The following IFNLR1 variants were observed in gnomAD, a reference collection of about 807,000 sequenced individuals.
IFNLR1 encodes CRF2-12.
A neutral mutation model predicts 52.5 loss-of-function variants in IFNLR1; 28 were observed. That is an observed-to-expected ratio of 0.53 (90% confidence interval 0.40 to 0.73). The LOEUF (loss-of-function observed/expected upper bound fraction) is 0.73. IFNLR1 is among the 30% of genes least tolerant of loss of function. The probability of loss-of-function intolerance (pLI) is 0.00; values close to 1 mark genes in which losing one functional copy is unlikely to be tolerated. For missense variants in IFNLR1, 623 were observed against 659.1 expected (o/e 0.95, Z 0.60); for synonymous variants, 276 against 274.9 (o/e 1.00, Z -0.04).
chr1:24,158,820 G>C (rs1644408762), intron 6 of IFNLR1, among the ~76,000 whole-genome samples: 1 of 152,344 alleles, frequency 6.6e-6, no homozygotes, highest in African/African-American at 2.4e-5. Flanking sequence ...CAGAGGTGAA[G>C]TTATTTATCT....
At chr1:24,173,493 T>G (rs2148598056) in intron 2 of IFNLR1, among the ~76,000 whole-genome samples, 1 of 152,292 alleles carries the variant, frequency 6.6e-6, no homozygotes, top group Middle Eastern at 3.4e-3. Flanking sequence ...TTGGTGGCAA[T>G]GAACAATGGT....
intron 1 of IFNLR1, among the ~76,000 whole-genome samples, chr1:24,184,467 C>T (rs888977842): frequency 6.6e-6 from 1 of 152,268 alleles, no homozygotes; most frequent in African/African-American, 2.4e-5. Context: ...CCCTGCCTGA[C>T]GTGGCCTGGC....
At chr1:24,160,718 T>C (rs1644433530) in intron 4 of IFNLR1, among the ~76,000 whole-genome samples, 1 of 152,218 alleles carries the variant, frequency 6.6e-6, no homozygotes, top group African/African-American at 2.4e-5. Flanking sequence ...CACTTGTTTA[T>C]GTAAAAAGTT....
intron 3 of IFNLR1, among the ~76,000 whole-genome samples, chr1:24,163,578 TC>T (rs1569644403): frequency 1.6e-5 from 1 of 61,306 alleles, no homozygotes; most frequent in Admixed American, 1.6e-4. Context: ...CACATCTCTT[TC>T]TTTTTTCTTT....
intron 1 of IFNLR1, among the ~76,000 whole-genome samples, chr1:24,184,574 T>G (rs1644719950): frequency 6.6e-6 from 1 of 152,194 alleles, no homozygotes; most frequent in African/African-American, 2.4e-5. Context: ...GCCACTGCAT[T>G]CTTCTGGATG....
intron 3 of IFNLR1, among the ~76,000 whole-genome samples, chr1:24,162,766 TTCTTTCTTTCTTTTTCTTTCTTTTTC>T (rs1557643859): frequency 0.015 from 347 of 23,188 alleles, 52 homozygotes; most frequent in Middle Eastern, 0.025. Flanking sequence ...CTTTCTTTCT[TTCTTTCTTTCTTTTTCTTTCTTTTTC>T]TTTCTTTCTT....
chr1:24,186,676 C>T (rs1210595562), intron 1 of IFNLR1, among the ~76,000 whole-genome samples: 1 of 151,964 alleles, frequency 6.6e-6, no homozygotes, highest in Non-Finnish European at 1.5e-5. Context: ...ACAACAACAA[C>T]AACAACAACA....
intron 4 of IFNLR1, 96 bp from the exon 5 acceptor site, chr1:24,159,729 T>TTTTTTTTTTTGTTTTTG (rs1553161956): frequency 4.1e-6 from 4 of 971,128 alleles, no homozygotes; most frequent in South Asian, 3.5e-5. Flanking sequence ...GTAGGGTGTT[T>TTTTTTTTTTTGTTTTTG]TTTTTTTGTT....
intron 2 of IFNLR1, among the ~76,000 whole-genome samples, chr1:24,175,588 C>A (rs1216506482): frequency 1.3e-5 from 2 of 152,154 alleles, no homozygotes; most frequent in Non-Finnish European, 2.9e-5. Flanking sequence ...CACACCCATA[C>A]CTGATTTAGA....
rs1644506443 is a variant in IFNLR1 at position 24,165,235 on chromosome 1, C to CAAATGA, written c.368-3552_368-3551insTCATTT. 2.0e-5 allele frequency among the ~76,000 whole-genome samples: 3 copies of CAAATGA among 152,316 alleles called. No homozygotes were observed. In the South Asian group the frequency reaches 6.2e-4, roughly 32 times the overall value. On this transcript the variant is annotated intron_variant, in intron 3 of 6. Coordinates refer to ENST00000327535, the MANE Select transcript of IFNLR1 (RefSeq NM_170743.4). ...CTTCCACATTTTATTTGGAAACCTT[C>CAAATGA]TCGGATAAGCATTCAAATTCATCAT...
At chr1:24,179,151 G>A (rs1217616794) in intron 2 of IFNLR1, among the ~76,000 whole-genome samples, 2 of 150,366 alleles carry the variant, frequency 1.3e-5, no homozygotes, top group African/African-American at 4.9e-5. Context: ...GTTTCACCAT[G>A]TTACCCAGGC....
chr1:24,187,101 G>A, intron 1 of IFNLR1, 90 bp downstream of exon 1: 1 of 842,732 alleles, frequency 1.2e-6, no homozygotes, highest in Non-Finnish European at 1.7e-6. Flanking sequence ...CGGACCCCGT[G>A]CCTGTCCCAG....
chr1:24,158,170 C>T (rs1016466316), intron 6 of IFNLR1, among the ~76,000 whole-genome samples: 6 of 152,188 alleles, frequency 3.9e-5, no homozygotes, highest in Admixed American at 6.5e-5. Flanking sequence ...AGGAGGGGGA[C>T]GCTCCTGGGC....
Position 24,159,636 on chromosome 1 carries a change from G to A in IFNLR1, c.511-3C>T, listed in dbSNP as rs1644419843. The A allele has an allele frequency of 6.2e-7, 1 of 1,613,494 alleles. No individual in the cohort carries two copies. The highest frequency in any genetic ancestry group is 1.7e-5 in the Admixed American group (1 of 59,970). Reference sequence around the variant, plus strand: ...TGGGGAGTGACTGGAAATAGGGTCTGTTTGGAAAAGAAGCAGAGAGTGGCA... The same window carrying A: ...TGGGGAGTGACTGGAAATAGGGTCTATTTGGAAAAGAAGCAGAGAGTGGCA... On this transcript the variant is annotated splice_polypyrimidine_tract_variant and splice_region_variant and intron_variant, in intron 4 of 6. Coordinates refer to ENST00000327535, the MANE Select transcript of IFNLR1 (RefSeq NM_170743.4).
At chr1:24,166,551 T>C (rs1644522007) in intron 3 of IFNLR1, among the ~76,000 whole-genome samples, 1 of 152,084 alleles carries the variant, frequency 6.6e-6, no homozygotes, top group South Asian at 2.1e-4. Flanking sequence ...GATGGTTAAA[T>C]TTTTTCTTTC....
Position 24,156,880 on chromosome 1 carries a change from C to G in IFNLR1, c.*250G>C. On this transcript the variant is annotated 3_prime_UTR_variant, in exon 7 of 7. Coordinates refer to ENST00000327535, the MANE Select transcript of IFNLR1 (RefSeq NM_170743.4). ...GACAATGGGGGTGATGACACCCCAC[C>G]AACCTCTGACCTCAGCCCACCCTGT... 1 of 537,236 alleles carries G rather than the reference C, an allele frequency of 1.9e-6. No homozygotes were observed. The allele number at this position is 537,236 out of a possible 1,614,324, so 33.3% of individuals were successfully genotyped here.
chr1:24,178,071 G>A (rs935669325), intron 2 of IFNLR1, among the ~76,000 whole-genome samples: 1 of 152,102 alleles, frequency 6.6e-6, no homozygotes, highest in Non-Finnish European at 1.5e-5. Flanking sequence ...GATCACTTGA[G>A]GTCAGGAGTT....
Position 24,161,696 on chromosome 1 carries a change from G to C in IFNLR1, c.368-12C>G, listed in dbSNP as rs1381272263. 1 of 1,474,748 alleles carries C rather than the reference G, an allele frequency of 6.8e-7. No individual in the cohort carries two copies. The allele number at this position is 1,474,748 out of a possible 1,614,324, so 91.4% of individuals were successfully genotyped here. A position where few individuals can be genotyped will look rare whatever the true frequency, so the allele number is the denominator to read the frequency against. Reference sequence around the variant, plus strand: ...TGGGGCCGGCTCCACTGCAGAAACAGAGCAGGACCTGTCAGTAATCCCGAG... The same window carrying C: ...TGGGGCCGGCTCCACTGCAGAAACACAGCAGGACCTGTCAGTAATCCCGAG... On this transcript the variant is annotated splice_polypyrimidine_tract_variant and intron_variant, in intron 3 of 6. Transcript: ENST00000327535.
chr1:24,162,768 C>T lies in IFNLR1; in HGVS notation c.368-1084G>A, dbSNP rs1414006355. Among the ~76,000 whole-genome samples, 277 of 46,482 alleles carry T rather than the reference C, an allele frequency of 6.0e-3. 19 individuals carry two copies. The highest frequency in any genetic ancestry group is 0.036 in the Middle Eastern group (4 of 110). 30.5% of individuals were successfully genotyped at this position (46,482 alleles called of 152,430 possible). On this transcript the variant is annotated intron_variant, in intron 3 of 6. Coordinates refer to ENST00000327535, the MANE Select transcript of IFNLR1 (RefSeq NM_170743.4). ...TCTTTCTTTCTTTCTTTCTTTCTTT[C>T]TTTCTTTCTTTTTCTTTCTTTTTCT...
Sources: gnomAD v4.1 joint callset for allele counts (sites outside exome capture counted in the v4.1 genomes callset) on GRCh38, gnomAD v4.1.1 for gene constraint, MANE v1.5 for transcripts, NCBI Gene and HGNC (gene_info 2026-07-23, HGNC 2026-07-21) for gene names.